The following ANKRD17 variants were observed in gnomAD, a reference collection of about 807,000 sequenced individuals.
ANKRD17 encodes the protein ankyrin repeat domain-containing protein 17.
A neutral mutation model predicts 229.7 loss-of-function variants in ANKRD17; 19 were observed. That is an observed-to-expected ratio of 0.08 (90% CI 0.06 to 0.12). The LOEUF (loss-of-function observed/expected upper bound fraction) is 0.12. Among genes scored for constraint, ANKRD17 ranks in the 10% least tolerant of loss-of-function variants. The pLI, the probability that ANKRD17 is intolerant of heterozygous loss-of-function variation, is 1.00. For missense variants in ANKRD17, 2,176 were observed against 3,176.8 expected (o/e 0.68, Z 7.57); for synonymous variants, 1,112 against 1,146.1 (o/e 0.97, Z 0.60).
At chr4:73,207,318 T>G (rs537777628) in intron 1 of ANKRD17, among the ~76,000 whole-genome samples, 141 of 149,588 alleles carry the variant, frequency 9.4e-4, no homozygotes, top group Non-Finnish European at 1.5e-3. Context: ...GAAAAACAAA[T>G]AAAAAACTCA....
At chr4:73,100,185 T>C (rs1445925696) in intron 25 of ANKRD17, among the ~76,000 whole-genome samples, 1 of 152,162 alleles carries the variant, frequency 6.6e-6, no homozygotes, top group Non-Finnish European at 1.5e-5. Flanking sequence ...TTCATCCTCA[T>C]TGCCTCCTGT....
chr4:73,097,097 T>G lies in ANKRD17; in HGVS notation c.5177+20A>C. 6.2e-7 allele frequency: 1 copy of G among 1,604,360 alleles called. No individual in the cohort carries two copies. Among genetic ancestry groups the G allele is most frequent in the African/African-American group, 1.3e-5 (1 of 74,414 alleles). On this transcript the variant is annotated intron_variant, in intron 27 of 33. Coordinates refer to ENST00000358602, the MANE Select transcript of ANKRD17 (RefSeq NM_032217.5). ...TGTGATATATAGCACATAAAAAGAA[T>G]GACAAAAACAATTACTCACCTTCTT...
chr4:73,221,324 A>G (rs1295139932), intron 1 of ANKRD17, among the ~76,000 whole-genome samples: 1 of 152,158 alleles, frequency 6.6e-6, no homozygotes, highest in Non-Finnish European at 1.5e-5. Flanking sequence ...TAAACAATTG[A>G]GATAATAAAA....
Position 73,085,322 on chromosome 4 carries a change from G to A in ANKRD17, c.7086C>T (p.Pro2362=), listed in dbSNP as rs1211372228. 1.5e-5 allele frequency: 24 copies of A among 1,613,878 alleles called. No individual in the cohort carries two copies. Among genetic ancestry groups the A allele is most frequent in the African/African-American group, 4.0e-5 (3 of 74,856 alleles). Reference sequence around the variant, plus strand: ...GTTGTCTGTTAAAGTTAGCAGCTGCGGGTGCTCCTCCAAGGGGTGCCCCAG... The same window carrying A: ...GTTGTCTGTTAAAGTTAGCAGCTGCAGGTGCTCCTCCAAGGGGTGCCCCAG... ...YGPGAPLGGA[P]AAANFNRQHF... Residue 2362 remains proline, a synonymous_variant, in exon 30 of 34, where the codon CCC becomes CCT. Transcript: ENST00000358602.
At chr4:73,253,058 G>A (rs1457912083) in intron 1 of ANKRD17, among the ~76,000 whole-genome samples, 1 of 152,138 alleles carries the variant, frequency 6.6e-6, no homozygotes, top group Non-Finnish European at 1.5e-5. Flanking sequence ...ATAAATGAAT[G>A]AATGAGGAGG....
chr4:73,115,600 T>C (rs1306955596), intron 23 of ANKRD17, among the ~76,000 whole-genome samples: 1 of 152,124 alleles, frequency 6.6e-6, no homozygotes, highest in East Asian at 1.9e-4. Flanking sequence ...TCAAGTATTA[T>C]TTTTAAAGAT....
rs995328134 is a variant in ANKRD17 at position 73,075,056 on chromosome 4, G to A, written c.*1175C>T. 5 of 152,224 alleles carry A rather than the reference G, an allele frequency of 3.3e-5. No homozygotes were observed. The highest frequency in any genetic ancestry group is 7.4e-5 in the Non-Finnish European group (5 of 67,886). The allele number at this position is 152,224 out of a possible 1,614,324, so 9.4% of individuals were successfully genotyped here. A position where few individuals can be genotyped will look rare whatever the true frequency, so the allele number is the denominator to read the frequency against. ...AAATGCAGAATTTCTTTTATTACTT[G>A]GCTCAAATTAACTGTTGATCCTTTT... On this transcript the variant is annotated 3_prime_UTR_variant, in exon 34 of 34. Transcript: ENST00000358602.
Position 73,098,259 on chromosome 4 carries a change from C to G in ANKRD17, c.4835G>C (p.Gly1612Ala), listed in dbSNP as rs1235444018. 6.2e-7 allele frequency: 1 copy of G among 1,614,178 alleles called. No individual in the cohort carries two copies. Among genetic ancestry groups the G allele is most frequent in the Admixed American group, 1.7e-5 (1 of 60,020 alleles). Residue 1612 changes from glycine (G) to alanine (A), a missense_variant, in exon 26 of 34, where the codon GGG becomes GCG. By Grantham distance (60) the Gly-to-Ala change is moderately conservative (BLOSUM62 0). This residue lies in a region of ANKRD17 where 4 missense variants were observed against 23.4 expected (regional missense o/e 0.17). Coordinates refer to ENST00000358602, the MANE Select transcript of ANKRD17 (RefSeq NM_032217.5). ...GGAAATCCTCATGTTATCACTGTCC[C>G]CACTCTCGCTGGTACTGCTGCTCTT... Reference protein sequence around the residue: ...ESKSSSTSESGDSDNMRISSC... With the variant: ...ESKSSSTSESADSDNMRISSC...
chr4:73,091,668 C>A lies in ANKRD17; in HGVS notation c.5960G>T (p.Gly1987Val). 3 of 1,614,156 alleles carry A rather than the reference C, an allele frequency of 1.9e-6. No homozygotes were observed. The highest frequency in any genetic ancestry group is 2.5e-6 in the Non-Finnish European group (3 of 1,180,040). The stretch of plus-strand genomic sequence containing the variant: ...TCGGACAGAAGGTGAACTTGGACTG[C>A]CATTTGTAGATGTACCAGGCACCGT... ...ASTVPGTSTN[G>V]SPSSPSVRRQ... Residue 1987 changes from glycine (G) to valine (V), a missense_variant, in exon 29 of 34, where the codon GGC becomes GTC. Gly to Val is a moderately radical substitution (Grantham distance 109, BLOSUM62 -3). This residue lies in a region of ANKRD17 where 424 missense variants were observed against 454.0 expected (regional missense o/e 0.93). Transcript: ENST00000358602.
intron 1 of ANKRD17, among the ~76,000 whole-genome samples, chr4:73,196,052 G>A (rs1436761751): frequency 6.7e-6 from 1 of 148,334 alleles, no homozygotes; most frequent in Non-Finnish European, 1.5e-5. Flanking sequence ...TGTAGCCCAG[G>A]CTAGAGTGCA....
chr4:73,236,481 T>C (rs890613536), intron 1 of ANKRD17, among the ~76,000 whole-genome samples: 2 of 152,150 alleles, frequency 1.3e-5, no homozygotes, highest in African/African-American at 4.8e-5. Flanking sequence ...AAGGTTCATA[T>C]TGTATGGTTC....
chr4:73,173,853 T>C (rs1734361362), intron 2 of ANKRD17, among the ~76,000 whole-genome samples: 1 of 152,074 alleles, frequency 6.6e-6, no homozygotes. Flanking sequence ...CTGCATCTGA[T>C]AGGGCCCTCA....
At chr4:73,096,974 GCTCT>G in intron 27 of ANKRD17, 139 bp downstream of exon 27, 1 of 914,576 alleles carries the variant, frequency 1.1e-6, no homozygotes. Flanking sequence ...TATGGCACAG[GCTCT>G]CTCTGTTGGT....
At chr4:73,189,466 G>T (rs1171437987) in intron 1 of ANKRD17, among the ~76,000 whole-genome samples, 6 of 117,310 alleles carry the variant, frequency 5.1e-5, no homozygotes, top group Non-Finnish European at 8.0e-5. Context: ...GCGCCATCTT[G>T]GTTCACTGCA....
chr4:73,132,416 G>A (rs1728338498), intron 16 of ANKRD17, among the ~76,000 whole-genome samples: 2 of 152,014 alleles, frequency 1.3e-5, no homozygotes, highest in Non-Finnish European at 2.9e-5. Context: ...GTCAAAACTA[G>A]TAAATTTTAA....
intron 1 of ANKRD17, among the ~76,000 whole-genome samples, chr4:73,190,639 C>T (rs1399558566): frequency 7.3e-5 from 11 of 150,568 alleles, no homozygotes; most frequent in Non-Finnish European, 1.6e-4. Context: ...AAAATGCTAT[C>T]ATTTGCAGAA....
At chr4:73,083,509 A>G (rs1161889807) in intron 30 of ANKRD17, among the ~76,000 whole-genome samples, 1 of 152,238 alleles carries the variant, frequency 6.6e-6, no homozygotes, top group Non-Finnish European at 1.5e-5. Context: ...TCCTTGAACT[A>G]TTCTTTAACT....
chr4:73,184,181 A>C (rs945385761), intron 1 of ANKRD17, among the ~76,000 whole-genome samples: 2 of 152,198 alleles, frequency 1.3e-5, no homozygotes, highest in Admixed American at 1.3e-4. Context: ...ATACTAGAGA[A>C]GAATGGTTCG....
At chr4:73,158,495 C>T (rs1253704262) in intron 3 of ANKRD17, among the ~76,000 whole-genome samples, 3 of 152,212 alleles carry the variant, frequency 2.0e-5, no homozygotes, top group African/African-American at 7.2e-5. Context: ...TGGCTCACTC[C>T]CTTCCCTATT....
Sources: gnomAD v4.1 joint callset for allele counts (sites outside exome capture counted in the v4.1 genomes callset) on GRCh38, gnomAD v4.1.1 for gene constraint, gnomAD v4.1.1 regional missense constraint, MANE v1.5 for transcripts, NCBI Gene and HGNC (gene_info 2026-07-23, HGNC 2026-07-21) for gene names.